The following DSC3 variants were observed in gnomAD, a reference collection of about 807,000 sequenced individuals.
DSC3 encodes the protein desmocollin-3.
A neutral mutation model predicts 89.5 loss-of-function variants in DSC3; 97 were observed. That is an observed-to-expected ratio of 1.08 (90% CI 0.92 to 1.28). The LOEUF (loss-of-function observed/expected upper bound fraction) is 1.28. DSC3 is among the 50% of genes most tolerant of loss of function. The pLI, the probability that DSC3 is intolerant of heterozygous loss-of-function variation, is 0.00. For synonymous variants in DSC3, 436 were observed against 384.1 expected, an observed-to-expected ratio of 1.14 and a Z score of -1.58; for missense variants, 1,199 against 1,085.3, an observed-to-expected ratio of 1.10 and a Z score of -1.47.
intron 8 of DSC3, 68 bp from the exon 9 acceptor site, chr18:31,018,324 TC>T: frequency 7.9e-7 from 1 of 1,264,350 alleles, no homozygotes; most frequent in Non-Finnish European, 1.1e-6. Flanking sequence ...AAAAGTTTCT[TC>T]CATTCCAAAA....
intron 8 of DSC3, 45 bp downstream of exon 8, chr18:31,018,621 T>G (rs372403333): frequency 9.0e-5 from 143 of 1,586,022 alleles, no homozygotes; most frequent in Non-Finnish European, 1.2e-4. Context: ...AAATAAAAAA[T>G]GATAGCAGAT....
At position 31,017,923 on chromosome 18, in the gene DSC3, C is replaced by A. The variant is rs1306783583; in HGVS notation, c.1263+148G>T. 8.6e-6 allele frequency: 5 copies of A among 582,176 alleles called. No individual in the cohort carries two copies. In the East Asian group the frequency reaches 1.5e-4, roughly 18 times the overall value. The allele number at this position is 582,176 out of a possible 1,614,324, so 36.1% of individuals were successfully genotyped here. A position where few individuals can be genotyped will look rare whatever the true frequency, so the allele number is the denominator to read the frequency against. On this transcript the variant is annotated intron_variant, in intron 9 of 15. Coordinates refer to ENST00000360428, the MANE Select transcript of DSC3 (RefSeq NM_001941.5). ...CAGCAATAAAATTACAGAAGACACACAGGCATGAGATTGGAATAGTGGTTT... is the reference window on the plus strand; with the variant it reads ...CAGCAATAAAATTACAGAAGACACAAAGGCATGAGATTGGAATAGTGGTTT...
intron 11 of DSC3, 85 bp downstream of exon 11, chr18:31,007,931 A>C (rs1984910042): frequency 1.6e-6 from 2 of 1,259,286 alleles, no homozygotes; most frequent in East Asian, 5.0e-5. Flanking sequence ...CCATACACTT[A>C]CCACCAAAAT....
Position 30,992,582 on chromosome 18 carries a change from C to T in DSC3, c.*1593G>A, listed in dbSNP as rs1984305216. ...AGACGATGTTGCTTTTACTCCCACCCATATTCCTTGTGGCCTCTCCTTGCC... is the reference window on the plus strand; with the variant it reads ...AGACGATGTTGCTTTTACTCCCACCTATATTCCTTGTGGCCTCTCCTTGCC... On this transcript the variant is annotated 3_prime_UTR_variant, in exon 16 of 16. Transcript: ENST00000360428. 1 of 152,244 alleles carries T rather than the reference C, an allele frequency of 6.6e-6. No individual in the cohort carries two copies. Among genetic ancestry groups the T allele is most frequent in the Admixed American group, 6.5e-5 (1 of 15,282 alleles). The allele number at this position is 152,244 out of a possible 1,614,324, so 9.4% of individuals were successfully genotyped here.
At position 30,993,576 on chromosome 18, in the gene DSC3, T is replaced by G. The variant is rs1984347321; in HGVS notation, c.*599A>C. The G allele has an allele frequency of 6.6e-6, 1 of 152,366 alleles. No individual in the cohort carries two copies. 9.4% of individuals were successfully genotyped at this position (152,366 alleles called of 1,614,324 possible). A position where few individuals can be genotyped will look rare whatever the true frequency, so the allele number is the denominator to read the frequency against. ...TCTCATTTCATTTTAAATATTGCAT[T>G]GATTAATAATAATATACACACACAC... On this transcript the variant is annotated 3_prime_UTR_variant, in exon 16 of 16. Transcript: ENST00000360428.
intron 9 of DSC3, among the ~76,000 whole-genome samples, chr18:31,014,861 G>A (rs16961079): frequency 0.039 from 5,952 of 152,066 alleles, 378 homozygotes; most frequent in African/African-American, 0.14. Context: ...GGGGTGGATC[G>A]CTAATATATG....
At chr18:31,037,654 C>A (rs1986013284) in intron 1 of DSC3, among the ~76,000 whole-genome samples, 1 of 152,176 alleles carries the variant, frequency 6.6e-6, no homozygotes, top group African/African-American at 2.4e-5. Flanking sequence ...GTAATCCCAG[C>A]ACTCTGGGAG....
At chr18:31,013,524 A>T (rs1985138246) in intron 9 of DSC3, among the ~76,000 whole-genome samples, 1 of 152,144 alleles carries the variant, frequency 6.6e-6, no homozygotes, top group Non-Finnish European at 1.5e-5. Context: ...AAACAATAAA[A>T]ATTGGTAAAA....
At position 31,037,755 on chromosome 18, in the gene DSC3, C is replaced by T. The variant is rs1177419945; in HGVS notation, c.69+4837G>A. On this transcript the variant is annotated intron_variant, in intron 1 of 15. Coordinates refer to ENST00000360428, the MANE Select transcript of DSC3 (RefSeq NM_001941.5). ...TCTCTACTAAAAATACAAAAATTAGCCGGCTGTGGTGGCACAAGCCTGTAA... is the reference window on the plus strand; with the variant it reads ...TCTCTACTAAAAATACAAAAATTAGTCGGCTGTGGTGGCACAAGCCTGTAA... 4.6e-5 allele frequency among the ~76,000 whole-genome samples: 7 copies of T among 152,194 alleles called. No individual in the cohort carries two copies. The East Asian group carries it at 1.4e-3, about 29-fold the overall frequency.
Position 31,001,722 on chromosome 18 carries a change from C to G in DSC3, c.2131G>C (p.Val711Leu). 6.2e-7 allele frequency: 1 copy of G among 1,605,372 alleles called. No individual in the cohort carries two copies. Among genetic ancestry groups the G allele is most frequent in the Non-Finnish European group, 8.5e-7 (1 of 1,176,228 alleles). Residue 711 changes from valine to leucine, a missense_variant, in exon 14 of 16, where the codon GTA becomes CTA. Val to Leu is a conservative substitution (Grantham distance 32). Transcript: ENST00000360428. ...TTAGTTGCACCAAAAACTCCACATA[C>G]TAAAGTTAGCAATACAGCTGAATTT... is the stretch of plus-strand genomic sequence containing the variant. ...ALLFSVLLTL[V>L]CGVFGATKGK...
rs1330517060 is a variant in DSC3 at position 31,011,935 on chromosome 18, A to G, written c.1264-3410T>C. Among the ~76,000 whole-genome samples the G allele has an allele frequency of 7.2e-5, 10 of 138,846 alleles. No individual in the cohort carries two copies. The East Asian group carries it at 1.1e-3, about 15-fold the overall frequency. 91.1% of individuals were successfully genotyped at this position (138,846 alleles called of 152,430 possible). On this transcript the variant is annotated intron_variant, in intron 9 of 15. Coordinates refer to ENST00000360428, the MANE Select transcript of DSC3 (RefSeq NM_001941.5). ...GACAGCAAATTCCAAAAAAAAGAAAAAAAAAAAAAAAGTACTTAAAAGTAC... is the reference window on the plus strand; with the variant it reads ...GACAGCAAATTCCAAAAAAAAGAAAGAAAAAAAAAAAGTACTTAAAAGTAC...
intron 1 of DSC3, 60 bp downstream of exon 1, chr18:31,042,532 C>G: frequency 6.7e-7 from 1 of 1,485,652 alleles, no homozygotes; most frequent in South Asian, 1.2e-5. Flanking sequence ...CTCCGTGCAG[C>G]GTCCAGGGCG....
At position 31,008,327 on chromosome 18, in the gene DSC3, AC is replaced by A; in HGVS notation, c.1461del (p.Ser488GlnfsTer19). On this transcript the variant is annotated frameshift_variant, in exon 10 of 16. Transcript: ENST00000360428. LOFTEE classifies it high-confidence loss of function. ...YVRIKENLAV[G>X]SKINGYKAYD... ...TATGCCTTATAGCCGTTGATCTTTG[AC>A]CCCACTGCTAAGTTTTCTTTAATCC... 6.2e-7 allele frequency: 1 copy of A among 1,613,948 alleles called. No individual in the cohort carries two copies. The highest frequency in any genetic ancestry group is 8.5e-7 in the Non-Finnish European group (1 of 1,179,984).
rs779212383 is a variant in DSC3, at chr18:31,031,038, A to G, written c.289T>C (p.Trp97Arg). The change falls in exon 3 of 16, where the codon TGG becomes CGG. Residue 97 changes from tryptophan (W) to arginine (R), a missense_variant. Coordinates refer to ENST00000360428, the MANE Select transcript of DSC3 (RefSeq NM_001941.5). The stretch of plus-strand genomic sequence containing the variant: ...GTCTGTTTCCTTTTGTCAGAAAGCC[A>G]TATGGTAAATGATCTTTTCTTATCA... Reference protein sequence around the residue: ...LSDKKRSFTIWLSDKRKQTQK... With the variant: ...LSDKKRSFTIRLSDKRKQTQK... The G allele has an allele frequency of 1.2e-5, 20 of 1,613,954 alleles. No individual in the cohort carries two copies. The highest frequency in any genetic ancestry group is 1.0e-4 in the Admixed American group (6 of 60,000).
At chr18:31,023,398 A>C (rs1424714718) in intron 6 of DSC3, among the ~76,000 whole-genome samples, 2 of 152,154 alleles carry the variant, frequency 1.3e-5, no homozygotes, top group Non-Finnish European at 2.9e-5. Context: ...CCATTTTATT[A>C]TCTGTGTGTA....
At chr18:31,020,984 C>A (rs1416723543) in intron 7 of DSC3, among the ~76,000 whole-genome samples, 1 of 151,728 alleles carries the variant, frequency 6.6e-6, no homozygotes, top group African/African-American at 2.4e-5. Flanking sequence ...AACCAATATT[C>A]CCACCTTAAA....
chr18:31,040,550 G>A (rs940713131), intron 1 of DSC3, among the ~76,000 whole-genome samples: 5 of 152,094 alleles, frequency 3.3e-5, no homozygotes, highest in African/African-American at 9.7e-5. Context: ...ACACTTCAGA[G>A]TGTGGTGGGG....
chr18:31,036,798 C>CATTTTTTTTTTTTTTTT (rs1985983554), intron 1 of DSC3, among the ~76,000 whole-genome samples: 1 of 107,424 alleles, frequency 9.3e-6, no homozygotes, highest in African/African-American at 3.6e-5. Flanking sequence ...TTCTTTCTTC[C>CATTTTTTTTTTTTTTTT]TTTTTTTTTT....
At chr18:31,018,561 T>C (rs1985311052) in intron 8 of DSC3, 105 bp downstream of exon 8, 9 of 1,244,598 alleles carry the variant, frequency 7.2e-6, no homozygotes, top group Admixed American at 1.8e-5. Flanking sequence ...AAAATACGTA[T>C]ACGTCAAAGT....
Sources: gnomAD v4.1 joint callset for allele counts (sites outside exome capture counted in the v4.1 genomes callset) on GRCh38, gnomAD v4.1.1 for gene constraint, MANE v1.5 for transcripts, NCBI Gene and HGNC (gene_info 2026-07-23, HGNC 2026-07-21) for gene names.